GULP1: variants seen among roughly 807,000 people sequenced by gnomAD.
GULP1 encodes GULP PTB domain containing engulfment adaptor 1, also known as PTB domain-containing engulfment adapter protein 1.
Under a neutral mutation model 40.9 loss-of-function variants are expected in GULP1, and 19 were observed. That is an observed-to-expected ratio of 0.46 (90% confidence interval 0.32 to 0.68). The LOEUF (loss-of-function observed/expected upper bound fraction) is 0.68. GULP1 is among the 30% of genes least tolerant of loss of function. The probability of loss-of-function intolerance (pLI) is 0.03; values close to 1 mark genes in which losing one functional copy is unlikely to be tolerated. For missense variants in GULP1, 312 were observed against 362.2 expected (o/e 0.86, Z 1.12); for synonymous variants, 119 against 117.6 (o/e 1.01, Z -0.08).
intron 4 of GULP1, among the ~76,000 whole-genome samples, chr2:188,491,104 A>C (rs951534981): frequency 2.6e-5 from 4 of 152,020 alleles, no homozygotes; most frequent in Admixed American, 1.3e-4. Flanking sequence ...AGCCGAAATA[A>C]TTTTAAAAAG....
chr2:188,518,507 G>C (rs1376216624), intron 4 of GULP1, among the ~76,000 whole-genome samples: 2 of 152,082 alleles, frequency 1.3e-5, no homozygotes, highest in Non-Finnish European at 2.9e-5. Context: ...GGGGTGGTGT[G>C]GGTATGGGAG....
chr2:188,330,845 C>T (rs532400509), intron 1 of GULP1, among the ~76,000 whole-genome samples: 153 of 152,274 alleles, frequency 1.0e-3, no homozygotes, highest in Non-Finnish European at 1.8e-3. Context: ...TCTCAGCTCC[C>T]CCGACAATGG....
At chr2:188,381,956 A>T (rs987448826) in intron 1 of GULP1, among the ~76,000 whole-genome samples, 3 of 152,218 alleles carry the variant, frequency 2.0e-5, no homozygotes, top group African/African-American at 7.2e-5. Flanking sequence ...GATTTAATAA[A>T]TAATAGTGTT....
chr2:188,575,774 A>G (rs1379280797), intron 9 of GULP1, among the ~76,000 whole-genome samples: 1 of 152,000 alleles, frequency 6.6e-6, no homozygotes, highest in Non-Finnish European at 1.5e-5. Context: ...TAATGCAATG[A>G]TATGTCACTT....
intron 2 of GULP1, among the ~76,000 whole-genome samples, chr2:188,467,255 G>A (rs747083446): frequency 9.9e-5 from 15 of 152,172 alleles, no homozygotes; most frequent in Non-Finnish European, 4.4e-5. Context: ...AGTTCTTGTT[G>A]CTATTGAGGC....
At chr2:188,463,485 G>T (rs767873626) in intron 2 of GULP1, among the ~76,000 whole-genome samples, 4 of 151,942 alleles carry the variant, frequency 2.6e-5, no homozygotes, top group Non-Finnish European at 5.9e-5. Context: ...AATGCCTTAG[G>T]AGTCTTCTTT....
intron 2 of GULP1, among the ~76,000 whole-genome samples, chr2:188,467,853 A>T (rs2060254093): frequency 6.6e-6 from 1 of 152,186 alleles, no homozygotes; most frequent in Admixed American, 6.5e-5. Context: ...TGAATTTCTC[A>T]GAGGCTGCCT....
At chr2:188,588,988 A>T (rs1488916735) in intron 11 of GULP1, 1 of 152,124 alleles carries the variant, frequency 6.6e-6, no homozygotes, top group Non-Finnish European at 1.5e-5. Flanking sequence ...TACTTAACAT[A>T]TGTCTTGAGG....
chr2:188,546,074 A>G (rs1691874053), intron 7 of GULP1, among the ~76,000 whole-genome samples: 1 of 151,996 alleles, frequency 6.6e-6, no homozygotes, highest in African/African-American at 2.4e-5. Flanking sequence ...AGAGCTGCAA[A>G]ATGAGAAACA....
intron 9 of GULP1, among the ~76,000 whole-genome samples, chr2:188,576,443 C>A (rs757946853): frequency 1.3e-5 from 2 of 152,084 alleles, no homozygotes; most frequent in Non-Finnish European, 2.9e-5. Context: ...TTGCTTCCGA[C>A]CCTTTTCACT....
chr2:188,368,931 A>ATG (rs1559158767), intron 1 of GULP1, among the ~76,000 whole-genome samples: 72 of 40,006 alleles, frequency 1.8e-3, no homozygotes, highest in African/African-American at 0.012. Flanking sequence ...ATGTATATAT[A>ATG]TATGTGTGTA....
At chr2:188,462,524 G>T (rs2059792821) in intron 2 of GULP1, among the ~76,000 whole-genome samples, 1 of 152,092 alleles carries the variant, frequency 6.6e-6, no homozygotes, top group Non-Finnish European at 1.5e-5. Flanking sequence ...GGGCGTTGAA[G>T]TCTCCCGCTA....
At chr2:188,436,520 A>G (rs2057422149) in intron 2 of GULP1, among the ~76,000 whole-genome samples, 1 of 152,068 alleles carries the variant, frequency 6.6e-6, no homozygotes, top group Non-Finnish European at 1.5e-5. Context: ...TCATGTCTCC[A>G]TTATAGCAAT....
intron 2 of GULP1, among the ~76,000 whole-genome samples, chr2:188,455,625 A>G (rs2059196029): frequency 6.6e-6 from 1 of 152,204 alleles, no homozygotes; most frequent in Admixed American, 6.5e-5. Flanking sequence ...GCCCAATTTC[A>G]GGTTATCAGC....
intron 2 of GULP1, among the ~76,000 whole-genome samples, chr2:188,406,065 T>C (rs1350894327): frequency 6.6e-6 from 1 of 152,218 alleles, no homozygotes; most frequent in Non-Finnish European, 1.5e-5. Context: ...ATTTCATCCT[T>C]GTATGAACAT....
intron 2 of GULP1, among the ~76,000 whole-genome samples, chr2:188,385,984 C>A (rs927407894): frequency 6.6e-6 from 1 of 152,180 alleles, no homozygotes; most frequent in Non-Finnish European, 1.5e-5. Context: ...CTGTTTCAGC[C>A]TCTGCCTGTT....
chr2:188,448,360 A>G (rs567467029), intron 2 of GULP1, among the ~76,000 whole-genome samples: 1 of 152,150 alleles, frequency 6.6e-6, no homozygotes, highest in African/African-American at 2.4e-5. Context: ...TAATTTTCCC[A>G]TGTCACTGAA....
At chr2:188,362,694 T>C (rs2046252567) in intron 1 of GULP1, among the ~76,000 whole-genome samples, 1 of 152,108 alleles carries the variant, frequency 6.6e-6, no homozygotes, top group African/African-American at 2.4e-5. Flanking sequence ...TGCCAAGATA[T>C]TAGATGTTTG....
intron 1 of GULP1, among the ~76,000 whole-genome samples, chr2:188,343,734 A>T (rs2043262467): frequency 6.6e-6 from 1 of 152,174 alleles, no homozygotes; most frequent in Admixed American, 6.5e-5. Context: ...GAACTTAGGG[A>T]CACCTATACT....
Sources: allele counts gnomAD v4.1 joint callset (sites outside exome capture counted in the v4.1 genomes callset), GRCh38; gene constraint gnomAD v4.1.1; transcripts MANE v1.5; gene names NCBI Gene and HGNC (gene_info 2026-07-23, HGNC 2026-07-21).